The following NRXN1 variants were observed in gnomAD, a reference collection of about 807,000 sequenced individuals.
NRXN1 encodes the protein neurexin 1.
Under a neutral mutation model 150.9 loss-of-function variants are expected in NRXN1, and 39 were observed. The ratio of observed to expected loss-of-function variants is 0.26; its 90% CI spans 0.20 to 0.34. The LOEUF is 0.34. NRXN1 is among the 10% of genes least tolerant of loss of function. NRXN1 has a pLI of 1.00. For synonymous variants in NRXN1, 924 were observed against 757.0 expected (o/e 1.22, Z -3.62); for missense variants, 1,815 against 1,949.9 (o/e 0.93, Z 1.30).
At chr2:49,993,867 T>C (rs944471372) in intron 21 of NRXN1, among the ~76,000 whole-genome samples, 2 of 152,200 alleles carry the variant, frequency 1.3e-5, no homozygotes, top group Non-Finnish European at 2.9e-5. Flanking sequence ...CATTAACTTA[T>C]TTGAATGGTA....
chr2:50,845,996 T>G (rs1252665084), intron 5 of NRXN1, among the ~76,000 whole-genome samples: 2 of 152,222 alleles, frequency 1.3e-5, no homozygotes, highest in Non-Finnish European at 2.9e-5. Flanking sequence ...CTGACTGGCT[T>G]TAGAGATTAC....
intron 17 of NRXN1, among the ~76,000 whole-genome samples, chr2:50,455,828 A>G (rs2087501202): frequency 6.6e-6 from 1 of 152,166 alleles, no homozygotes; most frequent in African/African-American, 2.4e-5. Flanking sequence ...ACACGGAATC[A>G]TGGCTGGGAT....
intron 17 of NRXN1, among the ~76,000 whole-genome samples, chr2:50,245,293 A>G (rs78413399): frequency 0.018 from 2,710 of 152,052 alleles, 69 homozygotes; most frequent in African/African-American, 0.063. Flanking sequence ...ACTTTTGCCA[A>G]TCAGATCAGA....
intron 17 of NRXN1, among the ~76,000 whole-genome samples, chr2:50,328,900 A>G (rs1179433136): frequency 1.3e-5 from 2 of 152,094 alleles, no homozygotes; most frequent in Non-Finnish European, 2.9e-5. Flanking sequence ...CTTCTAACAC[A>G]TCTTGTCTCT....
At chr2:50,595,693 T>A (rs988697095) in intron 8 of NRXN1, among the ~76,000 whole-genome samples, 41 of 152,132 alleles carry the variant, frequency 2.7e-4, no homozygotes, top group South Asian at 2.1e-4. Flanking sequence ...AAAATGCATA[T>A]CACTTGTAAT....
At chr2:50,862,412 C>T (rs372880978) in intron 5 of NRXN1, among the ~76,000 whole-genome samples, 1 of 152,120 alleles carries the variant, frequency 6.6e-6, no homozygotes, top group East Asian at 1.9e-4. Context: ...AGTCTCTCTT[C>T]AGACCCACCC....
chr2:50,945,322 G>T (rs561637873), intron 2 of NRXN1, among the ~76,000 whole-genome samples: 1 of 152,112 alleles, frequency 6.6e-6, no homozygotes, highest in South Asian at 2.1e-4. Flanking sequence ...AAAATTAGCT[G>T]GTGTGCTGGT....
intron 18 of NRXN1, among the ~76,000 whole-genome samples, chr2:50,190,239 T>A (rs2061359725): frequency 6.6e-6 from 1 of 152,168 alleles, no homozygotes; most frequent in Admixed American, 6.5e-5. Flanking sequence ...AAGAATATAT[T>A]TCAACTATGA....
intron 17 of NRXN1, among the ~76,000 whole-genome samples, chr2:50,316,677 T>C (rs1418265939): frequency 6.6e-6 from 1 of 152,088 alleles, no homozygotes; most frequent in Non-Finnish European, 1.5e-5. Context: ...CTGGAGATAG[T>C]AAGGTAGTAA....
chr2:50,822,050 T>C (rs1275558986), intron 5 of NRXN1, among the ~76,000 whole-genome samples: 1 of 152,132 alleles, frequency 6.6e-6, no homozygotes, highest in African/African-American at 2.4e-5. Context: ...TTTGAGTAAA[T>C]TTTGGTCTTC....
chr2:50,217,076 C>T (rs2063453430), intron 18 of NRXN1, among the ~76,000 whole-genome samples: 1 of 151,960 alleles, frequency 6.6e-6, no homozygotes, highest in Admixed American at 6.6e-5. Context: ...GGTCAAGACA[C>T]TAGTGAAGAT....
chr2:50,030,923 T>A (rs1158867348), intron 21 of NRXN1, among the ~76,000 whole-genome samples: 1 of 152,066 alleles, frequency 6.6e-6, no homozygotes, highest in South Asian at 2.1e-4. Context: ...GTAAGCTCCC[T>A]ATGGCACTAG....
chr2:50,381,849 C>A (rs1228234424), intron 17 of NRXN1, among the ~76,000 whole-genome samples: 1 of 152,064 alleles, frequency 6.6e-6, no homozygotes, highest in African/African-American at 2.4e-5. Flanking sequence ...ATCAGAGGGA[C>A]TTTTGCCAGG....
In NRXN1 at chr2:50,216,740, A is replaced by G. The variant is rs559198214; in HGVS notation, c.3546+20049T>C. On this transcript the variant is annotated intron_variant, in intron 18 of 22. Transcript: ENST00000401669. ...TTCTGCATATGCTAGTTGGGTGGAA[A>G]GTTCAACACAAGTTTTAATGATCAA... Among the ~76,000 whole-genome samples, 426 of 152,186 alleles carry G rather than the reference A, an allele frequency of 2.8e-3. 3 individuals are homozygous for G. The highest frequency in any genetic ancestry group is 0.01 in the African/African-American group (417 of 41,550).
chr2:50,080,675 A>T (rs1377362359), intron 19 of NRXN1, among the ~76,000 whole-genome samples: 1 of 151,986 alleles, frequency 6.6e-6, no homozygotes, highest in Non-Finnish European at 1.5e-5. Context: ...TAAATTTATT[A>T]GAAGGATAAT....
intron 20 of NRXN1, 32 bp from the exon 21 acceptor site, chr2:50,053,622 T>A: frequency 6.2e-7 from 1 of 1,606,842 alleles, no homozygotes; most frequent in African/African-American, 1.3e-5. Flanking sequence ...CATGCAAAAA[T>A]GTTGATTGTG....
At position 50,210,408 on chromosome 2, in the gene NRXN1, T is replaced by C. The variant is rs183206956; in HGVS notation, c.3546+26381A>G. Among the ~76,000 whole-genome samples, 3 of 152,030 alleles carry C rather than the reference T, an allele frequency of 2.0e-5. No homozygotes were observed. In the East Asian group the frequency reaches 5.8e-4, roughly 29 times the overall value. ...TATTCTAAAAGTTAAATCTCATTAA[T>C]ATTTAATTGCACCCACATTCACAGG... On this transcript the variant is annotated intron_variant, in intron 18 of 22. Transcript: ENST00000401669.
At chr2:50,280,277 C>CAAAAAAA (rs4032052) in intron 17 of NRXN1, among the ~76,000 whole-genome samples, 1 of 122,834 alleles carries the variant, frequency 8.1e-6, no homozygotes, top group African/African-American at 3.1e-5. Context: ...GAATCAGTCT[C>CAAAAAAA]AAAAAAAAAA....
At chr2:50,172,993 G>A (rs1237548962) in intron 18 of NRXN1, among the ~76,000 whole-genome samples, 1 of 152,008 alleles carries the variant, frequency 6.6e-6, no homozygotes, top group Non-Finnish European at 1.5e-5. Context: ...AAAAATAAAT[G>A]AAATTACTTG....
Sources: gnomAD v4.1 joint callset for allele counts (sites outside exome capture counted in the v4.1 genomes callset) on GRCh38, gnomAD v4.1.1 for gene constraint, MANE v1.5 for transcripts, NCBI Gene and HGNC (gene_info 2026-07-23, HGNC 2026-07-21) for gene names.